XPO7: variants seen among roughly 807,000 people sequenced by gnomAD.
The protein encoded by XPO7 is exportin-7.
XPO7 carries 21 observed loss-of-function variants against 144.3 expected under a neutral mutation model. That is an observed-to-expected ratio of 0.15 (90% CI 0.10 to 0.21). The LOEUF is 0.21. XPO7 is among the 10% of genes least tolerant of loss of function. The pLI is 1.00. For synonymous variants in XPO7, 580 were observed against 499.6 expected, an observed-to-expected ratio of 1.16 and a Z score of -2.15; for missense variants, 808 against 1,325.8, an observed-to-expected ratio of 0.61 and a Z score of 6.06.
Position 21,977,774 on chromosome 8 carries a change from C to T in XPO7, c.768C>T (p.Phe256=), listed in dbSNP as rs1247621980. ...VQIPTSWRSA[F]LDSSTLQLFF... ...TTTTGTCTTTTTCTTCCCCAGCCTT[C>T]TTAGATTCTTCAACCTTGCAGCTGT... The change falls in exon 8 of 28, where the codon TTC becomes TTT. Residue 256 remains phenylalanine, a synonymous_variant. Coordinates refer to ENST00000252512, the MANE Select transcript of XPO7 (RefSeq NM_015024.5). 1 of 1,613,796 alleles carries T rather than the reference C, an allele frequency of 6.2e-7. No individual in the cohort carries two copies. The highest frequency in any genetic ancestry group is 8.5e-7 in the Non-Finnish European group (1 of 1,179,860).
intron 11 of XPO7, 34 bp downstream of exon 11, chr8:21,982,846 A>C: frequency 1.3e-6 from 2 of 1,562,826 alleles, no homozygotes; most frequent in Non-Finnish European, 1.7e-6. Flanking sequence ...TTCCCGCACC[A>C]GTGGCCTGTT....
intron 7 of XPO7, 135 bp downstream of exon 7, chr8:21,976,656 G>C: frequency 8.9e-7 from 1 of 1,121,018 alleles, no homozygotes; most frequent in South Asian, 1.8e-5. Flanking sequence ...GTCTTTTTTT[G>C]TTTGTTTGTT....
rs1813298030 is a variant in XPO7, at chr8:22,005,483, G to A, written c.*395G>A. ...ACTCAAGTTTAAAAACAAAAAGTGT[G>A]ACTGAAAAATTTTTACAGAGTCTAG... On this transcript the variant is annotated 3_prime_UTR_variant, in exon 28 of 28. Coordinates refer to ENST00000252512, the MANE Select transcript of XPO7 (RefSeq NM_015024.5). The A allele has an allele frequency of 6.4e-6, 1 of 155,220 alleles. No individual in the cohort carries two copies. Among genetic ancestry groups the A allele is most frequent in the Non-Finnish European group, 1.4e-5 (1 of 69,890 alleles). 9.6% of individuals were successfully genotyped at this position (155,220 alleles called of 1,614,324 possible). A position where few individuals can be genotyped will look rare whatever the true frequency, so the allele number is the denominator to read the frequency against.
chr8:21,981,356 TTTGA>T (rs1425789112), intron 9 of XPO7, among the ~76,000 whole-genome samples: 45 of 152,364 alleles, frequency 3.0e-4, no homozygotes, highest in Non-Finnish European at 1.0e-4. Context: ...TTAGATTTCC[TTTGA>T]TTGGTAACAA....
intron 1 of XPO7, among the ~76,000 whole-genome samples, chr8:21,946,717 A>C: frequency 7.2e-6 from 1 of 138,050 alleles, no homozygotes; most frequent in Admixed American, 7.8e-5. Context: ...ATCTCGGCTC[A>C]CTGCAGCCTC....
intron 6 of XPO7, among the ~76,000 whole-genome samples, 189 bp downstream of exon 6, chr8:21,974,963 T>TGA (rs977077988): frequency 7.2e-5 from 11 of 152,200 alleles, no homozygotes; most frequent in Non-Finnish European, 1.6e-4. Flanking sequence ...GTTGGAGAAA[T>TGA]GATTGTCACT....
chr8:21,983,815 A>G (rs1336484208), intron 11 of XPO7, among the ~76,000 whole-genome samples: 1 of 152,192 alleles, frequency 6.6e-6, no homozygotes, highest in African/African-American at 2.4e-5. Context: ...CACAGTGTGT[A>G]GCACATGGTA....
chr8:21,919,848 T>A, intron 1 of XPO7, 60 bp downstream of exon 1: 1 of 313,570 alleles, frequency 3.2e-6, no homozygotes, highest in Non-Finnish European at 5.7e-6. Flanking sequence ...GAGTCGGGGG[T>A]GCACACGGCC....
chr8:21,988,974 C>T (rs770343531), intron 15 of XPO7, 29 bp from the exon 16 acceptor site: 1 of 1,604,436 alleles, frequency 6.2e-7, no homozygotes. Flanking sequence ...AAAGGGTCTC[C>T]TGCTTTTTTT....
intron 1 of XPO7, among the ~76,000 whole-genome samples, chr8:21,920,363 C>T (rs1422580582): frequency 6.6e-6 from 1 of 152,076 alleles, no homozygotes; most frequent in Non-Finnish European, 1.5e-5. Flanking sequence ...CCAAATCGTA[C>T]AGCCCGGAGG....
At chr8:21,978,544 G>A (rs942215030) in intron 8 of XPO7, among the ~76,000 whole-genome samples, 1 of 152,224 alleles carries the variant, frequency 6.6e-6, no homozygotes, top group Admixed American at 6.5e-5. Context: ...CATGATTTCA[G>A]TGTTGTCGGG....
intron 1 of XPO7, among the ~76,000 whole-genome samples, chr8:21,947,287 A>G (rs150764401): frequency 6.6e-6 from 1 of 152,344 alleles, no homozygotes; most frequent in Non-Finnish European, 1.5e-5. Context: ...TACACTGCCT[A>G]ATTTTGGACT....
intron 1 of XPO7, among the ~76,000 whole-genome samples, chr8:21,935,268 C>T (rs976298271): frequency 1.3e-5 from 2 of 152,190 alleles, no homozygotes; most frequent in South Asian, 2.1e-4. Flanking sequence ...AGGAAGTTTC[C>T]ATGCTAACTA....
chr8:21,941,534 G>A (rs1046576456), intron 1 of XPO7, among the ~76,000 whole-genome samples: 1 of 152,168 alleles, frequency 6.6e-6, no homozygotes, highest in Non-Finnish European at 1.5e-5. Flanking sequence ...ATACTGTATT[G>A]TTTCGGGAAT....
chr8:22,004,956 C>T, intron 27 of XPO7, 39 bp from the exon 28 acceptor site: 1 of 1,150,512 alleles, frequency 8.7e-7, no homozygotes, highest in Non-Finnish European at 1.2e-6. Context: ...CCTTTCCCCC[C>T]CACTCTCCTC....
At chr8:21,967,063 C>G (rs1484610029) in intron 2 of XPO7, 60 bp downstream of exon 2, 2 of 1,571,796 alleles carry the variant, frequency 1.3e-6, no homozygotes, top group East Asian at 4.5e-5. Context: ...TATTCTGGTT[C>G]TCTGTGTAGG....
chr8:21,999,383 C>T, intron 23 of XPO7, 78 bp downstream of exon 23: 1 of 1,586,460 alleles, frequency 6.3e-7, no homozygotes, highest in East Asian at 2.2e-5. Context: ...AGATTGAACA[C>T]TGCTCTTGAG....
rs189598675 is a variant in XPO7, at chr8:21,996,109, C to T, written c.2345+510C>T. ...GGATTACAGGCGTGAGCCACTGCGC[C>T]CATCTAATAAGTCACTTTTAAAAAG... On this transcript the variant is annotated intron_variant, in intron 21 of 27. Transcript: ENST00000252512. Among the ~76,000 whole-genome samples the T allele has an allele frequency of 3.0e-3, 464 of 152,318 alleles. 8 individuals carry two copies. The highest frequency in any genetic ancestry group is 0.024 in the Admixed American group (374 of 15,302).
In XPO7 at chr8:21,934,474, G is replaced by C. The variant is rs1055446729; in HGVS notation, c.18+14686G>C. ...CTTGAACCTGGGAGGCAGAGGTTAC[G>C]GTGAGCCGAGATTGCGCCACTGCAC... On this transcript the variant is annotated intron_variant, in intron 1 of 27. Coordinates refer to ENST00000252512, the MANE Select transcript of XPO7 (RefSeq NM_015024.5). Among the ~76,000 whole-genome samples, 14 of 152,164 alleles carry C rather than the reference G, an allele frequency of 9.2e-5. No individual in the cohort carries two copies. The South Asian group carries it at 2.5e-3, about 27-fold the overall frequency.
Sources: gnomAD v4.1 joint callset for allele counts (sites outside exome capture counted in the v4.1 genomes callset) on GRCh38, gnomAD v4.1.1 for gene constraint, MANE v1.5 for transcripts, NCBI Gene and HGNC (gene_info 2026-07-23, HGNC 2026-07-21) for gene names.